Variants in RASGRP3 observed in about 807,000 individuals in gnomAD.
RASGRP3 encodes RAS guanyl releasing protein 3.
Under a neutral mutation model 82.7 loss-of-function variants are expected in RASGRP3, and 54 were observed. The ratio of observed to expected loss-of-function variants is 0.65; its 90% CI spans 0.52 to 0.82. RASGRP3 has a LOEUF of 0.82. Ranked by LOEUF, RASGRP3 falls within the 40% of genes least tolerant of loss-of-function variation. The probability of loss-of-function intolerance (pLI) is 0.00; values close to 1 mark genes in which losing one functional copy is unlikely to be tolerated. For missense variants in RASGRP3, 861 were observed against 828.9 expected, an observed-to-expected ratio of 1.04 and a Z score of -0.48; for synonymous variants, 309 against 300.5, an observed-to-expected ratio of 1.03 and a Z score of -0.29.
intron 1 of RASGRP3, among the ~76,000 whole-genome samples, chr2:33,510,951 A>G (rs1670869210): frequency 6.6e-6 from 1 of 152,198 alleles, no homozygotes; most frequent in African/African-American, 2.4e-5. Context: ...TTAGTGTCCT[A>G]GGCAACCTCA....
At chr2:33,560,038 A>G (rs1015571000) in intron 17 of RASGRP3, among the ~76,000 whole-genome samples, 7 of 152,350 alleles carry the variant, frequency 4.6e-5, no homozygotes, top group African/African-American at 1.7e-4. Context: ...TTTCTATAAC[A>G]TCCACTTTTA....
At chr2:33,509,105 T>C (rs1174468845) in intron 1 of RASGRP3, among the ~76,000 whole-genome samples, 2 of 152,084 alleles carry the variant, frequency 1.3e-5, no homozygotes, top group Non-Finnish European at 2.9e-5. Context: ...GGAAATGAAA[T>C]AATAAGAAAA....
intron 1 of RASGRP3, among the ~76,000 whole-genome samples, chr2:33,507,625 A>G (rs1670512600): frequency 2.0e-5 from 3 of 152,224 alleles, no homozygotes; most frequent in African/African-American, 7.2e-5. Flanking sequence ...TCCCAGGTTC[A>G]GGCGATTCTC....
exon 2 of RASGRP3, chr2:33,447,941 T>C (rs1416622755): frequency 6.6e-6 from 1 of 152,238 alleles, no homozygotes; most frequent in Non-Finnish European, 1.5e-5. Flanking sequence ...GCCAAGATTC[T>C]CAGTGAGTAT....
At chr2:33,473,405 A>T (rs950877391), upstream of RASGRP3, among the ~76,000 whole-genome samples, 1 of 152,068 alleles carries the variant, frequency 6.6e-6, no homozygotes, top group African/African-American at 2.4e-5. Flanking sequence ...AAAAAATCAG[A>T]AAGACTGTTG....
At position 33,552,924 on chromosome 2, in the gene RASGRP3, G is replaced by A. The variant is rs145026357; in HGVS notation, c.1543-2607G>A. ...AGCAGCCGGTGGTCTCAAATCAAAG[G>A]ACTGTGGGAAATACTCCTGCATACC... On this transcript the variant is annotated intron_variant, in intron 14 of 17. Coordinates refer to ENST00000403687, the MANE Select transcript of RASGRP3 (RefSeq NM_001139488.2). Among the ~76,000 whole-genome samples, 481 of 152,116 alleles carry A rather than the reference G, an allele frequency of 3.2e-3. 1 individual carries two copies. Among genetic ancestry groups the A allele is most frequent in the African/African-American group, 0.011 (469 of 41,500 alleles).
chr2:33,510,132 T>C (rs1435832520), intron 1 of RASGRP3, among the ~76,000 whole-genome samples: 1 of 152,238 alleles, frequency 6.6e-6, no homozygotes, highest in African/African-American at 2.4e-5. Context: ...GGAGGTCATA[T>C]GAATGTAAAG....
chr2:33,520,614 G>A lies in RASGRP3; in HGVS notation c.298G>A (p.Glu100Lys), dbSNP rs773790361. The A allele has an allele frequency of 2.0e-5, 32 of 1,613,978 alleles. No individual in the cohort carries two copies. The highest frequency in any genetic ancestry group is 2.7e-5 in the Non-Finnish European group (32 of 1,179,866). The change falls in exon 6 of 18, where the codon GAG becomes AAG. Residue 100 changes from glutamate (E) to lysine (K), a missense_variant. Physicochemically the swap from Glu to Lys is moderately conservative, Grantham distance 56. Coordinates refer to ENST00000403687, the MANE Select transcript of RASGRP3 (RefSeq NM_001139488.2). ...GGATCTTGGTTTGATTCGTATGACT[G>A]AGGAATTTCGGGAAGTAGCTAGTCA... ...NLDLGLIRMT[E>K]EFREVASQLG...
chr2:33,521,118 A>G (rs1353575158), intron 6 of RASGRP3, among the ~76,000 whole-genome samples: 1 of 152,190 alleles, frequency 6.6e-6, no homozygotes, highest in Non-Finnish European at 1.5e-5. Context: ...CTGAATTGGA[A>G]TCTGCACTTT....
At chr2:33,538,578 T>A (rs1673898160) in intron 11 of RASGRP3, among the ~76,000 whole-genome samples, 1 of 152,152 alleles carries the variant, frequency 6.6e-6, no homozygotes, top group East Asian at 1.9e-4. Context: ...AAAGGCAGTA[T>A]CTAAACATGC....
chr2:33,486,884 G>A (rs1364525844), intron 1 of RASGRP3, among the ~76,000 whole-genome samples: 3 of 152,140 alleles, frequency 2.0e-5, no homozygotes, highest in African/African-American at 7.2e-5. Context: ...AGGTGGTTCT[G>A]GGTGGTTAAC....
In RASGRP3 at chr2:33,524,424, T is replaced by G; in HGVS notation, c.691-8T>G. The G allele has an allele frequency of 6.5e-7, 1 of 1,539,718 alleles. No individual in the cohort carries two copies. Among genetic ancestry groups the G allele is most frequent in the South Asian group, 1.2e-5 (1 of 81,858 alleles). On this transcript the variant is annotated splice_region_variant and splice_polypyrimidine_tract_variant and intron_variant, in intron 8 of 17. Transcript: ENST00000403687. ...TCCTTAAAAAGCATTGATGCATTTT[T>G]ATTGCAGAAGCTCCTTCAGCTCAAA...
rs530645874 is a variant in RASGRP3 at position 33,563,938 on chromosome 2, G to A, written c.*1201G>A. ...TTCAAGATACTGAAAAATAGAGCTG[G>A]GACTGAGCCTGTGAATGACAGGAAT... On this transcript the variant is annotated 3_prime_UTR_variant, in exon 18 of 18. Transcript: ENST00000403687. 6.6e-6 allele frequency: 1 copy of A among 152,238 alleles called. No individual in the cohort carries two copies. The highest frequency in any genetic ancestry group is 1.9e-4 in the East Asian group (1 of 5,184). The allele number at this position is 152,238 out of a possible 1,614,324, so 9.4% of individuals were successfully genotyped here.
At chr2:33,532,220 T>C (rs535594813) in intron 10 of RASGRP3, 3 of 152,316 alleles carry the variant, frequency 2.0e-5, no homozygotes, top group South Asian at 4.1e-4. Flanking sequence ...TGTTTGAAAA[T>C]TGGGATAGTT....
At chr2:33,554,639 AT>A (rs1168728629) in intron 14 of RASGRP3, among the ~76,000 whole-genome samples, 3 of 151,928 alleles carry the variant, frequency 2.0e-5, no homozygotes, top group East Asian at 1.9e-4. Flanking sequence ...TGACCAGCTA[AT>A]TTTTTTGTAT....
chr2:33,543,526 C>T lies in RASGRP3; in HGVS notation c.1293C>T (p.Asn431=). 2 of 1,603,150 alleles carry T rather than the reference C, an allele frequency of 1.2e-6. No homozygotes were observed. Among genetic ancestry groups the T allele is most frequent in the Non-Finnish European group, 1.7e-6 (2 of 1,171,416 alleles). The change falls in exon 13 of 18, where the codon AAC becomes AAT. Residue 431 remains asparagine (N), a synonymous_variant. Coordinates refer to ENST00000403687, the MANE Select transcript of RASGRP3 (RefSeq NM_001139488.2). ...TTCCTTTGCAGTCTGTATTTAGAAA[C>T]TATGATCACGACCATGATGGGTACA... ...IRKLVESVFR[N]YDHDHDGYIS...
intron 2 of RASGRP3, among the ~76,000 whole-genome samples, chr2:33,463,934 C>T (rs1211102751): frequency 6.6e-6 from 1 of 151,670 alleles, no homozygotes; most frequent in African/African-American, 2.4e-5. Context: ...GTGCATACCT[C>T]ATTTTACCAT....
intron 1 of RASGRP3, among the ~76,000 whole-genome samples, chr2:33,489,114 A>G (rs1329677114): frequency 3.3e-5 from 5 of 152,192 alleles, no homozygotes; most frequent in East Asian, 1.9e-4. Context: ...ACTGGCATCT[A>G]GTTAGTAGAG....
chr2:33,463,890 G>A (rs577743826), intron 2 of RASGRP3, among the ~76,000 whole-genome samples: 55 of 151,676 alleles, frequency 3.6e-4, no homozygotes, highest in South Asian at 8.3e-4. Context: ...ATGAGCCACC[G>A]TGCCCAGCCC....
Sources: allele counts gnomAD v4.1 joint callset (sites outside exome capture counted in the v4.1 genomes callset), GRCh38; gene constraint gnomAD v4.1.1; transcripts MANE v1.5; gene names NCBI Gene and HGNC (gene_info 2026-07-23, HGNC 2026-07-21).